The following PANX2 variants were observed in gnomAD, a reference collection of about 807,000 sequenced individuals.
PANX2 encodes the protein pannexin 2, also known as pannexin-2.
PANX2 carries 30 observed loss-of-function variants against 38.7 expected under a neutral mutation model. That is an observed-to-expected ratio of 0.78 (90% CI 0.58 to 1.05). PANX2 has a LOEUF of 1.05. Among genes scored for constraint, PANX2 ranks in the 50% least tolerant of loss-of-function variants. PANX2 has a pLI of 0.00. For synonymous variants in PANX2, 539 were observed against 472.1 expected (o/e 1.14, Z -1.84); for missense variants, 880 against 979.3 (o/e 0.90, Z 1.35).
chr22:50,177,010 T>C lies in PANX2; in HGVS notation c.298T>C (p.Trp100Arg), dbSNP rs1468296299. The C allele has an allele frequency of 6.2e-7, 1 of 1,601,798 alleles. No homozygotes were observed. The highest frequency in any genetic ancestry group is 1.1e-5 in the South Asian group (1 of 90,052). ...GGCGCTGTACGCCCGCGGCTACTGC[T>C]GGACGGAGCTGCGGGACGCGCTGCC... is the stretch of plus-strand genomic sequence containing the variant. ...DQALYARGYCWTELRDALPGV... is the reference protein window; with the variant it reads ...DQALYARGYCRTELRDALPGV... The change falls in exon 2 of 3, where the codon TGG (tryptophan) becomes CGG (arginine). Residue 100 changes from tryptophan to arginine, a missense_variant. Coordinates refer to ENST00000395842, the MANE Select transcript of PANX2 (RefSeq NM_052839.4).
chr22:50,171,504 A>AG (rs954253458), intron 1 of PANX2, among the ~76,000 whole-genome samples: 58 of 152,130 alleles, frequency 3.8e-4, no homozygotes, highest in South Asian at 4.1e-4. Context: ...GGTTTGAAGC[A>AG]GGGGGGCTAG....
intron 1 of PANX2, among the ~76,000 whole-genome samples, chr22:50,176,464 A>G (rs913289191): frequency 6.6e-6 from 1 of 151,936 alleles, no homozygotes; most frequent in Admixed American, 6.6e-5. Context: ...TGTGGAAACC[A>G]CCCTGCCAGC....
intron 1 of PANX2, among the ~76,000 whole-genome samples, chr22:50,173,973 G>T (rs535737456): frequency 3.3e-5 from 5 of 152,154 alleles, no homozygotes; most frequent in Non-Finnish European, 5.9e-5. Context: ...ACCGCCACAG[G>T]CTCCGGGGTT....
chr22:50,179,537 G>T lies in PANX2; in HGVS notation c.*260G>T. ...CCGGTGGCCAGGAAGGCTGAAGCCC[G>T]CTTCCCATGCTCCTGCATCAGGTGC... On this transcript the variant is annotated 3_prime_UTR_variant, in exon 3 of 3. Coordinates refer to ENST00000395842, the MANE Select transcript of PANX2 (RefSeq NM_052839.4). 2 of 518,156 alleles carry T rather than the reference G, an allele frequency of 3.9e-6. No homozygotes were observed. Among genetic ancestry groups the T allele is most frequent in the South Asian group, 4.7e-5 (2 of 42,392 alleles). The allele number at this position is 518,156 out of a possible 1,614,324, so 32.1% of individuals were successfully genotyped here. A position where few individuals can be genotyped will look rare whatever the true frequency, so the allele number is the denominator to read the frequency against.
Position 50,178,321 on chromosome 22 carries a change from C to T in PANX2, c.1609C>T (p.Pro537Ser). 1 of 1,510,508 alleles carries T rather than the reference C, an allele frequency of 6.6e-7. No homozygotes were observed. The allele number at this position is 1,510,508 out of a possible 1,614,324, so 93.6% of individuals were successfully genotyped here. Residue 537 changes from proline to serine, a missense_variant, in exon 2 of 3, where the codon CCC becomes TCC. This residue lies in a region of PANX2 where 445 missense variants were observed against 404.3 expected (regional missense o/e 1.10). Coordinates refer to ENST00000395842, the MANE Select transcript of PANX2 (RefSeq NM_052839.4). ...GGCCGAGGCGGTGCCCGCCGCCCTG[C>T]CCGCCTCCCGGAGCCAGGAGGGGGG... is the stretch of plus-strand genomic sequence containing the variant. ...AKAEAVPAAL[P>S]ASRSQEGGFL...
intron 1 of PANX2, among the ~76,000 whole-genome samples, chr22:50,173,831 C>T (rs1480384649): frequency 6.6e-6 from 1 of 152,234 alleles, no homozygotes; most frequent in East Asian, 1.9e-4. Context: ...GGCGTTCTCT[C>T]TCCCAGCCCC....
intron 1 of PANX2, among the ~76,000 whole-genome samples, chr22:50,172,499 T>C (rs2063637693): frequency 6.6e-6 from 1 of 152,022 alleles, no homozygotes; most frequent in South Asian, 2.1e-4. Context: ...TGGTGCGATC[T>C]GCAACCTCCA....
At chr22:50,172,028 TGG>T (rs2063635101) in intron 1 of PANX2, among the ~76,000 whole-genome samples, 1 of 152,142 alleles carries the variant, frequency 6.6e-6, no homozygotes, top group Admixed American at 6.5e-5. Context: ...AGGCCTCTGC[TGG>T]TCTCCTCTTC....
chr22:50,174,964 C>A (rs2063654140), intron 1 of PANX2, among the ~76,000 whole-genome samples: 2 of 152,206 alleles, frequency 1.3e-5, no homozygotes. Flanking sequence ...TGCAGCGGGT[C>A]CAGGGAGGAG....
chr22:50,175,397 A>G (rs1234768240), intron 1 of PANX2: 4 of 1,224,016 alleles, frequency 3.3e-6, no homozygotes, highest in Admixed American at 2.4e-5. Context: ...CCAGCTCAGG[A>G]CGGGACACAA....
intron 1 of PANX2, among the ~76,000 whole-genome samples, chr22:50,175,914 G>A (rs1381075095): frequency 2.6e-5 from 4 of 152,246 alleles, no homozygotes; most frequent in South Asian, 2.1e-4. Context: ...TTCAGGCCTC[G>A]GCACAGACGG....
chr22:50,178,250 T>G lies in PANX2; in HGVS notation c.1538T>G (p.Phe513Cys), dbSNP rs1238057195. The change falls in exon 2 of 3, where the codon TTC becomes TGC. Residue 513 changes from phenylalanine to cysteine, a missense_variant. Phe to Cys is a radical substitution (Grantham distance 205). This residue lies in a region of PANX2 where 445 missense variants were observed against 404.3 expected (regional missense o/e 1.10). Transcript: ENST00000395842. Reference protein sequence around the residue: ...PAPDKKHARHFSLDVHPYILG... With the variant: ...PAPDKKHARHCSLDVHPYILG... ...CCTGACAAGAAGCACGCGCGCCACT[T>G]CTCCCTGGACGTGCACCCCTACATC... 2.1e-6 allele frequency: 3 copies of G among 1,460,634 alleles called. No individual in the cohort carries two copies. Among genetic ancestry groups the G allele is most frequent in the Non-Finnish European group, 2.7e-6 (3 of 1,103,232 alleles). The allele number at this position is 1,460,634 out of a possible 1,614,324, so 90.5% of individuals were successfully genotyped here.
rs1569068123 is a variant in PANX2, at chr22:50,177,456, C to G, written c.744C>G (p.Tyr248Ter). The stretch of plus-strand genomic sequence containing the variant: ...TGCCCATCTCCTACCTGTGCACCTA[C>G]TACGCCACGCAGAAGCAGAACGAGT... The part of the protein sequence containing the change: ...SAVPISYLCT[Y>*]YATQKQNEFT... Residue 248 changes from tyrosine to a stop codon, truncating the protein, a stop_gained, in exon 2 of 3, where the codon TAC (tyrosine) becomes TAG (stop). Coordinates refer to ENST00000395842, the MANE Select transcript of PANX2 (RefSeq NM_052839.4). LOFTEE classifies it high-confidence loss of function. The G allele has an allele frequency of 6.2e-7, 1 of 1,608,682 alleles. No individual in the cohort carries two copies.
Position 50,179,325 on chromosome 22 carries a change from T to C in PANX2, c.*48T>C. ...CGAGAGCCCCTCTGCCTGTGTCGTG[T>C]GGCCTGGCCAGCCTCCCGGTGGACA... On this transcript the variant is annotated 3_prime_UTR_variant, in exon 3 of 3. Coordinates refer to ENST00000395842, the MANE Select transcript of PANX2 (RefSeq NM_052839.4). 6.5e-7 allele frequency: 1 copy of C among 1,537,416 alleles called. No individual in the cohort carries two copies. Among genetic ancestry groups the C allele is most frequent in the Non-Finnish European group, 8.9e-7 (1 of 1,123,724 alleles).
In PANX2 at chr22:50,175,029, CAGT is replaced by C. The variant is rs1201639026; in HGVS notation, c.227-1909_227-1907del. Among the ~76,000 whole-genome samples the C allele has an allele frequency of 1.2e-4, 18 of 152,320 alleles. No individual in the cohort carries two copies. In the East Asian group the frequency reaches 3.5e-3, roughly 29 times the overall value. On this transcript the variant is annotated intron_variant, in intron 1 of 2. Transcript: ENST00000395842. Reference sequence around the variant, plus strand: ...CCCAAAGGGCCGGGCCGGTCACCTGCAGTGAGTCAAGGCAGTATCCTTGGTGGA... The same window carrying C: ...CCCAAAGGGCCGGGCCGGTCACCTGCGAGTCAAGGCAGTATCCTTGGTGGA...
chr22:50,173,120 T>A (rs1029816212), intron 1 of PANX2, among the ~76,000 whole-genome samples: 102 of 150,542 alleles, frequency 6.8e-4, no homozygotes, highest in African/African-American at 2.1e-3. Flanking sequence ...ATGGTCTCGA[T>A]CTCCTGACCT....
chr22:50,173,181 G>A (rs1165673949), intron 1 of PANX2, among the ~76,000 whole-genome samples: 2 of 151,520 alleles, frequency 1.3e-5, no homozygotes, highest in African/African-American at 4.9e-5. Context: ...CAGGCGTTGA[G>A]CCACCGTGCC....
chr22:50,172,936 A>G (rs1018122512), intron 1 of PANX2, among the ~76,000 whole-genome samples: 17 of 134,744 alleles, frequency 1.3e-4, no homozygotes, highest in African/African-American at 2.9e-4. Flanking sequence ...TCGCTCTGTC[A>G]CCCAGGCTGG....
chr22:50,175,564 A>C (rs2063657031), intron 1 of PANX2: 1 of 675,520 alleles, frequency 1.5e-6, no homozygotes, highest in East Asian at 8.4e-5. Flanking sequence ...AGCCCAGCTC[A>C]TCTCCAGCTC....
Sources: gnomAD v4.1 joint callset for allele counts (sites outside exome capture counted in the v4.1 genomes callset) on GRCh38, gnomAD v4.1.1 for gene constraint, gnomAD v4.1.1 regional missense constraint, MANE v1.5 for transcripts, NCBI Gene and HGNC (gene_info 2026-07-23, HGNC 2026-07-21) for gene names.